The following RPS6KA2 variants were observed in gnomAD, a reference collection of about 807,000 sequenced individuals.
RPS6KA2 encodes the protein ribosomal protein S6 kinase A2.
A neutral mutation model predicts 91.8 loss-of-function variants in RPS6KA2; 42 were observed. The ratio of observed to expected loss-of-function variants is 0.46; its 90% CI spans 0.36 to 0.59. The LOEUF is 0.59. Ranked by LOEUF, RPS6KA2 falls within the 20% of genes least tolerant of loss-of-function variation. The pLI, the probability that RPS6KA2 is intolerant of heterozygous loss-of-function variation, is 0.00. For synonymous variants in RPS6KA2, 414 were observed against 393.6 expected (o/e 1.05, Z -0.61); for missense variants, 798 against 978.5 (o/e 0.82, Z 2.46).
At position 166,419,968 on chromosome 6, in the gene RPS6KA2, A is replaced by G; in HGVS notation, c.1744-10T>C. The G allele has an allele frequency of 1.2e-6, 2 of 1,613,114 alleles. No individual in the cohort carries two copies. Among genetic ancestry groups the G allele is most frequent in the Non-Finnish European group, 8.5e-7 (1 of 1,179,302 alleles). ...CTTGACGCTTCAGGACCTAGGAGGG[A>G]ACGACAGGACACCGGCACGCCCTTC... is the stretch of plus-strand genomic sequence containing the variant. On this transcript the variant is annotated splice_polypyrimidine_tract_variant and intron_variant, in intron 17 of 20. Coordinates refer to ENST00000265678, the MANE Select transcript of RPS6KA2 (RefSeq NM_021135.6). The surrounding 1 kb of genome is among the most constrained non-coding windows in gnomAD (Gnocchi z 5.6).
chr6:166,543,100 C>T (rs1282817343), intron 1 of RPS6KA2, among the ~76,000 whole-genome samples: 2 of 152,218 alleles, frequency 1.3e-5, no homozygotes, highest in Non-Finnish European at 2.9e-5. Context: ...GGCATGAACT[C>T]ATGAGCAGGT....
At chr6:166,818,785 T>G (rs1779833264) in intron 2 of RPS6KA2, among the ~76,000 whole-genome samples, 1 of 152,136 alleles carries the variant, frequency 6.6e-6, no homozygotes, top group Admixed American at 6.6e-5. Context: ...TTTAAAAATT[T>G]GGTCATAGGA....
intron 2 of RPS6KA2, among the ~76,000 whole-genome samples, chr6:166,832,609 CCT>C (rs1388667680): frequency 5.9e-5 from 9 of 152,072 alleles, no homozygotes; most frequent in African/African-American, 2.2e-4. Context: ...TTTCTGAATC[CCT>C]CTCTTAAGAA....
At chr6:166,646,719 C>T (rs1787615083) in intron 2 of RPS6KA2, among the ~76,000 whole-genome samples, 1 of 152,158 alleles carries the variant, frequency 6.6e-6, no homozygotes, top group Non-Finnish European at 1.5e-5. Context: ...CCCTAAGCCC[C>T]CTTCAGTTCC....
intron 2 of RPS6KA2, among the ~76,000 whole-genome samples, chr6:166,826,424 C>G (rs897650420): frequency 5.9e-5 from 9 of 152,168 alleles, no homozygotes; most frequent in Non-Finnish European, 1.2e-4. Context: ...AAAGTCTGGG[C>G]CATGTCCTGG....
At chr6:166,532,994 G>T (rs185211644) in intron 2 of RPS6KA2, among the ~76,000 whole-genome samples, 30 of 152,316 alleles carry the variant, frequency 2.0e-4, no homozygotes, top group Admixed American at 1.8e-3. Flanking sequence ...CATGGCTCTT[G>T]CTGGCAGACC....
chr6:166,413,963 T>C (rs1429719154), intron 19 of RPS6KA2, 32 bp from the exon 20 acceptor site: 1 of 1,607,492 alleles, frequency 6.2e-7, no homozygotes, highest in Non-Finnish European at 8.5e-7. Context: ...GTCGGGGGGA[T>C]GGTTGGATCA....
At chr6:166,760,170 A>G (rs1397871709) in intron 2 of RPS6KA2, among the ~76,000 whole-genome samples, 1 of 152,238 alleles carries the variant, frequency 6.6e-6, no homozygotes, top group African/African-American at 2.4e-5. Flanking sequence ...TAGCTCATGT[A>G]GGGCAATGTT....
intron 2 of RPS6KA2, among the ~76,000 whole-genome samples, chr6:166,661,484 AT>A (rs1278757902): frequency 6.6e-6 from 1 of 152,046 alleles, no homozygotes; most frequent in African/African-American, 2.4e-5. Context: ...TTATTTTTCT[AT>A]TTGTAAATTA....
rs1781771718 is a variant in RPS6KA2, at chr6:166,495,983, CCTCTTCTGT to C, written c.747+2516_747+2524del. Reference sequence around the variant, plus strand: ...GTCGTGTCTCCATCTTTGGATCATTCCTCTTCTGTCTCTTCTGTTCTCCTATTTCTTTTT... The same window carrying C: ...GTCGTGTCTCCATCTTTGGATCATTCCTCTTCTGTTCTCCTATTTCTTTTT... On this transcript the variant is annotated intron_variant, in intron 8 of 20. Transcript: ENST00000265678. This position sits in a 1 kb window ranked among gnomAD's most constrained non-coding sequence, Gnocchi z 4.4. 6.6e-6 allele frequency among the ~76,000 whole-genome samples: 1 copy of C among 152,198 alleles called. No individual in the cohort carries two copies. Among genetic ancestry groups the C allele is most frequent in the Admixed American group, 6.5e-5 (1 of 15,286 alleles).
chr6:166,682,219 G>A (rs1350914859), intron 2 of RPS6KA2, among the ~76,000 whole-genome samples: 1 of 152,148 alleles, frequency 6.6e-6, no homozygotes, highest in Non-Finnish European at 1.5e-5. Context: ...TTAATGAATT[G>A]AGGAACATAA....
In RPS6KA2 at chr6:166,611,566, C is replaced by T. The variant is rs76491669; in HGVS notation, c.99+15355G>A. ...AATATGTGTGTCACAACGCCTTTAT[C>T]TGTGTCAGAGAAAATCCAAATCAAA... is the stretch of plus-strand genomic sequence containing the variant. On this transcript the variant is annotated intron_variant, in intron 1 of 20. Coordinates refer to ENST00000265678, the MANE Select transcript of RPS6KA2 (RefSeq NM_021135.6). 3.0e-3 allele frequency among the ~76,000 whole-genome samples: 463 copies of T among 152,362 alleles called. 2 individuals carry two copies. Among genetic ancestry groups the T allele is most frequent in the African/African-American group, 0.01 (416 of 41,572 alleles).
intron 2 of RPS6KA2, among the ~76,000 whole-genome samples, chr6:166,718,067 C>T (rs1337192450): frequency 1.3e-5 from 2 of 152,132 alleles, no homozygotes; most frequent in Non-Finnish European, 2.9e-5. Flanking sequence ...AGGCTAGCCT[C>T]AAACTCCTGA....
At position 166,437,171 on chromosome 6, in the gene RPS6KA2, C is replaced by T. The variant is rs1779350507; in HGVS notation, c.1333-4681G>A. Among the ~76,000 whole-genome samples, 1 of 151,992 alleles carries T rather than the reference C, an allele frequency of 6.6e-6. No individual in the cohort carries two copies. Among genetic ancestry groups the T allele is most frequent in the African/African-American group, 2.4e-5 (1 of 41,360 alleles). ...GTACATGACCTGGATCTGCTGCGGG[C>T]AGCCGGGGTTTGGACACACTGTTTA... On this transcript the variant is annotated intron_variant, in intron 14 of 20. Transcript: ENST00000265678. This position sits in a 1 kb window ranked among gnomAD's most constrained non-coding sequence, Gnocchi z 4.3.
At chr6:166,803,280 G>A (rs1370949031) in intron 2 of RPS6KA2, among the ~76,000 whole-genome samples, 1 of 152,222 alleles carries the variant, frequency 6.6e-6, no homozygotes, top group Non-Finnish European at 1.5e-5. Flanking sequence ...GTTTGTAATT[G>A]CATCAAATGT....
intron 2 of RPS6KA2, among the ~76,000 whole-genome samples, chr6:166,729,497 C>T (rs972548222): frequency 6.6e-6 from 1 of 152,208 alleles, no homozygotes; most frequent in Non-Finnish European, 1.5e-5. Flanking sequence ...CACAGGTATG[C>T]ACCACTATAC....
At chr6:166,565,606 G>T (rs572232769) in intron 1 of RPS6KA2, among the ~76,000 whole-genome samples, 2 of 152,356 alleles carry the variant, frequency 1.3e-5, no homozygotes, top group African/African-American at 4.8e-5. Flanking sequence ...CTTCAGTGGT[G>T]CCGAGGTCCT....
intron 2 of RPS6KA2, chr6:166,701,313 G>A (rs956301408): frequency 2.3e-5 from 36 of 1,553,908 alleles, no homozygotes; most frequent in Middle Eastern, 4.3e-4. Context: ...TCACCGTTTT[G>A]CCTCCTTTTC....
rs117145118 is a variant in RPS6KA2 at position 166,847,735 on chromosome 6, C to T, written c.123+10465G>A. 7.9e-3 allele frequency among the ~76,000 whole-genome samples: 1,206 copies of T among 152,262 alleles called. 30 individuals carry two copies. The highest frequency in any genetic ancestry group is 0.07 in the South Asian group (336 of 4,826). On this transcript the variant is annotated intron_variant, in intron 2 of 21. Transcript: ENST00000503859. Reference sequence around the variant, plus strand: ...TAGAAGAATGAAATTCATTCTTCATCTCTCACCTTATATAAAAATTTACTC... The same window carrying T: ...TAGAAGAATGAAATTCATTCTTCATTTCTCACCTTATATAAAAATTTACTC...
Sources: gnomAD v4.1 joint callset for allele counts (sites outside exome capture counted in the v4.1 genomes callset) on GRCh38, gnomAD v4.1.1 for gene constraint, Gnocchi (gnomAD v3.1) non-coding constraint, MANE v1.5 for transcripts, NCBI Gene and HGNC (gene_info 2026-07-23, HGNC 2026-07-21) for gene names.